Variants in NPEPPS observed in about 807,000 individuals in gnomAD.
NPEPPS encodes the protein aminopeptidase puromycin sensitive, also known as puromycin-sensitive aminopeptidase.
A neutral mutation model predicts 115.5 loss-of-function variants in NPEPPS; 14 were observed. The ratio of observed to expected loss-of-function variants is 0.12; its 90% CI spans 0.08 to 0.19. The LOEUF (loss-of-function observed/expected upper bound fraction) is 0.19. Among genes scored for constraint, NPEPPS ranks in the 10% least tolerant of loss-of-function variants. The pLI is 1.00. For missense variants in NPEPPS, 523 were observed against 1,110.8 expected, an observed-to-expected ratio of 0.47 and a Z score of 7.52; for synonymous variants, 285 against 390.6, an observed-to-expected ratio of 0.73 and a Z score of 3.19.
chr17:47,583,943 A>AGGCATGGTGGCTCAT (rs1461217548), intron 5 of NPEPPS, among the ~76,000 whole-genome samples: 71 of 149,614 alleles, frequency 4.7e-4, no homozygotes, highest in Non-Finnish European at 8.2e-4. Flanking sequence ...AAAATAGGCC[A>AGGCATGGTGGCTCAT]GGCATGGTGG....
In NPEPPS at chr17:47,613,735, T is replaced by G. The variant is rs1380713613; in HGVS notation, c.2295+10T>G. The G allele has an allele frequency of 6.2e-7, 1 of 1,604,632 alleles. No individual in the cohort carries two copies. Among genetic ancestry groups the G allele is most frequent in the Non-Finnish European group, 8.5e-7 (1 of 1,173,872 alleles). On this transcript the variant is annotated intron_variant, in intron 19 of 22. Transcript: ENST00000322157. ...AGATATTATGTTAAAAGTAAGTATA[T>G]TTGAGAAGGCTCCCATTTCCTGCTT...
At chr17:47,526,394 C>G (rs562290942), upstream of NPEPPS, among the ~76,000 whole-genome samples, 1 of 151,956 alleles carries the variant, frequency 6.6e-6, no homozygotes, top group Non-Finnish European at 1.5e-5. Context: ...CCCGGTTTGC[C>G]GAAAAAGATG....
chr17:47,532,404 C>T (rs1907872633), intron 1 of NPEPPS, among the ~76,000 whole-genome samples: 1 of 151,958 alleles, frequency 6.6e-6, no homozygotes, highest in Non-Finnish European at 1.5e-5. Flanking sequence ...GCCTGTAATC[C>T]CAGCACTTTG....
At chr17:47,572,007 T>C (rs1219403203) in intron 3 of NPEPPS, among the ~76,000 whole-genome samples, 1 of 149,644 alleles carries the variant, frequency 6.7e-6, no homozygotes, top group Non-Finnish European at 1.5e-5. Context: ...TCCACTTGGC[T>C]CCCAACTGTC....
intron 2 of NPEPPS, among the ~76,000 whole-genome samples, chr17:47,567,525 C>G (rs117278327): frequency 1.3e-5 from 2 of 152,130 alleles, no homozygotes; most frequent in East Asian, 3.8e-4. Flanking sequence ...CCTTTCTCCC[C>G]GCCTCAATAA....
intron 2 of NPEPPS, among the ~76,000 whole-genome samples, chr17:47,552,339 A>G (rs567028272): frequency 9.3e-4 from 141 of 152,244 alleles, no homozygotes; most frequent in African/African-American, 3.1e-3. Context: ...CAAATAAACA[A>G]CCCTTAAGTA....
intron 17 of NPEPPS, among the ~76,000 whole-genome samples, chr17:47,609,047 TGAGA>T (rs112466361): frequency 0.054 from 8,143 of 152,198 alleles, 386 homozygotes; most frequent in African/African-American, 0.11. Flanking sequence ...AAGGGGTAGA[TGAGA>T]GAGACGTGGG....
intron 2 of NPEPPS, among the ~76,000 whole-genome samples, chr17:47,549,480 A>G (rs1909477143): frequency 6.6e-6 from 1 of 152,036 alleles, no homozygotes; most frequent in Non-Finnish European, 1.5e-5. Flanking sequence ...ATGAGTTGTT[A>G]AAGTTTGAAC....
At chr17:47,565,934 T>G (rs1910783090) in intron 2 of NPEPPS, among the ~76,000 whole-genome samples, 1 of 152,104 alleles carries the variant, frequency 6.6e-6, no homozygotes, top group South Asian at 2.1e-4. Flanking sequence ...ATGCTTACAG[T>G]CTGAATAGTA....
rs987114774 is a variant in NPEPPS at position 47,619,853 on chromosome 17, A to G, written c.2607+69A>G. On this transcript the variant is annotated intron_variant, in intron 22 of 22. Transcript: ENST00000322157. Reference sequence around the variant, plus strand: ...TAAAAACAATAACCTGGTTGTAATTATAGTGTTGGGATAATGTACTGTAGC... The same window carrying G: ...TAAAAACAATAACCTGGTTGTAATTGTAGTGTTGGGATAATGTACTGTAGC... 188 of 1,204,964 alleles carry G rather than the reference A, an allele frequency of 1.6e-4. 3 individuals are homozygous for G. The South Asian group carries it at 2.2e-3, about 14-fold the overall frequency. 74.6% of individuals were successfully genotyped at this position (1,204,964 alleles called of 1,614,324 possible). A position where few individuals can be genotyped will look rare whatever the true frequency, so the allele number is the denominator to read the frequency against.
intron 2 of NPEPPS, among the ~76,000 whole-genome samples, chr17:47,569,122 G>A (rs1277476117): frequency 6.6e-6 from 1 of 151,970 alleles, no homozygotes; most frequent in East Asian, 1.9e-4. Context: ...CAATATCATA[G>A]TCACACAGGA....
At chr17:47,581,871 T>C (rs965678818) in intron 4 of NPEPPS, 13 of 152,152 alleles carry the variant, frequency 8.5e-5, no homozygotes, top group African/African-American at 2.9e-4. Context: ...TATTTTTGTA[T>C]TTTTAGTAGA....
intron 1 of NPEPPS, among the ~76,000 whole-genome samples, chr17:47,524,499 A>AT (rs540272108): frequency 0.051 from 7,169 of 141,670 alleles, 340 homozygotes; most frequent in East Asian, 0.11. Flanking sequence ...AATTAAAAAC[A>AT]TTTTTTTTTT....
At chr17:47,536,563 TTTTC>T in intron 1 of NPEPPS, among the ~76,000 whole-genome samples, 7 of 151,534 alleles carry the variant, frequency 4.6e-5, no homozygotes, top group Non-Finnish European at 7.4e-5. Flanking sequence ...CCAGCTAATT[TTTTC>T]TGTTTTTAGT....
chr17:47,570,344 G>A (rs1228789629), intron 3 of NPEPPS, among the ~76,000 whole-genome samples: 2 of 152,154 alleles, frequency 1.3e-5, no homozygotes, highest in Admixed American at 1.3e-4. Flanking sequence ...ATCGCCAGAA[G>A]CCAGGAAGTG....
upstream of NPEPPS, among the ~76,000 whole-genome samples, chr17:47,530,098 G>A (rs1388895388): frequency 7.7e-5 from 3 of 39,148 alleles, no homozygotes; most frequent in Non-Finnish European, 9.9e-5. Flanking sequence ...CACCAAGCCC[G>A]GCTATTTTTT....
intron 15 of NPEPPS, 117 bp from the exon 16 acceptor site, chr17:47,603,798 G>A (rs1343318019): frequency 6.4e-5 from 55 of 858,734 alleles, no homozygotes; most frequent in Non-Finnish European, 9.0e-5. Flanking sequence ...GGCATAGATG[G>A]TCTTAATTGT....
At chr17:47,530,360 T>G (rs1301024264), upstream of NPEPPS, among the ~76,000 whole-genome samples, 4 of 137,888 alleles carry the variant, frequency 2.9e-5, no homozygotes, top group African/African-American at 1.1e-4. Flanking sequence ...GGTTTTTTTT[T>G]TTTTTTTTTT....
intron 3 of NPEPPS, among the ~76,000 whole-genome samples, chr17:47,573,787 C>A (rs1597852307): frequency 6.6e-6 from 1 of 152,298 alleles, no homozygotes; most frequent in South Asian, 2.1e-4. Flanking sequence ...AAATTGATTG[C>A]TTCTTAGGGG....
Sources: gnomAD v4.1 joint callset for allele counts (sites outside exome capture counted in the v4.1 genomes callset) on GRCh38, gnomAD v4.1.1 for gene constraint, MANE v1.5 for transcripts, NCBI Gene and HGNC (gene_info 2026-07-23, HGNC 2026-07-21) for gene names.